The following SH3D19 variants were observed in gnomAD, a reference collection of about 807,000 sequenced individuals.
SH3D19 encodes SH3 domain-containing protein 19.
A neutral mutation model predicts 112.1 loss-of-function variants in SH3D19; 58 were observed. That is an observed-to-expected ratio of 0.52 (90% CI 0.42 to 0.64). The LOEUF (loss-of-function observed/expected upper bound fraction) is 0.64. Ranked by LOEUF, SH3D19 falls within the 30% of genes least tolerant of loss-of-function variation. The pLI, the probability that SH3D19 is intolerant of heterozygous loss-of-function variation, is 0.00. For missense variants in SH3D19, 1,090 were observed against 1,263.4 expected, an observed-to-expected ratio of 0.86 and a Z score of 2.08; for synonymous variants, 391 against 448.5, an observed-to-expected ratio of 0.87 and a Z score of 1.62.
At chr4:151,266,408 C>T (rs1772796413) in intron 1 of SH3D19, among the ~76,000 whole-genome samples, 1 of 152,180 alleles carries the variant, frequency 6.6e-6, no homozygotes, top group African/African-American at 2.4e-5. Flanking sequence ...GCTATTTCAT[C>T]TTTGTAAGTG....
At chr4:151,132,536 TG>T (rs1431161426) in intron 16 of SH3D19, among the ~76,000 whole-genome samples, 153 bp from the exon 17 acceptor site, 4 of 152,238 alleles carry the variant, frequency 2.6e-5, no homozygotes, top group Non-Finnish European at 5.9e-5. Flanking sequence ...TGCGTTAACC[TG>T]TACTAACTTC....
chr4:151,268,899 A>G (rs1773023569), intron 1 of SH3D19, among the ~76,000 whole-genome samples: 1 of 152,130 alleles, frequency 6.6e-6, no homozygotes, highest in African/African-American at 2.4e-5. Flanking sequence ...CACAATAAAC[A>G]TATGTGTGCA....
intron 17 of SH3D19, among the ~76,000 whole-genome samples, chr4:151,130,734 G>T (rs1013584254): frequency 6.6e-6 from 1 of 152,120 alleles, no homozygotes; most frequent in Non-Finnish European, 1.5e-5. Context: ...GAGGTCAGGA[G>T]TTCAAGACCA....
intron 3 of SH3D19, among the ~76,000 whole-genome samples, chr4:151,180,794 C>T (rs565701829): frequency 1.3e-5 from 2 of 150,704 alleles, no homozygotes; most frequent in South Asian, 2.1e-4. Flanking sequence ...GATGGGGTCT[C>T]GCTCTGTCGC....
intron 1 of SH3D19, among the ~76,000 whole-genome samples, chr4:151,321,486 T>C (rs1442582033): frequency 6.6e-6 from 1 of 152,064 alleles, no homozygotes; most frequent in Non-Finnish European, 1.5e-5. Flanking sequence ...TGATCATAAA[T>C]GCCAGGCTGT....
intron 1 of SH3D19, among the ~76,000 whole-genome samples, chr4:151,304,418 T>C (rs373005530): frequency 1.3e-5 from 2 of 152,294 alleles, no homozygotes; most frequent in African/African-American, 4.8e-5. Context: ...ACCTTAAAAA[T>C]GTTAGCCTGC....
At chr4:151,248,314 T>C (rs1771099707) in intron 1 of SH3D19, among the ~76,000 whole-genome samples, 1 of 152,162 alleles carries the variant, frequency 6.6e-6, no homozygotes. Flanking sequence ...AGGAAAAGTC[T>C]AGCTATTTCT....
chr4:151,143,630 G>GC (rs1753409027), intron 12 of SH3D19, among the ~76,000 whole-genome samples: 1 of 148,102 alleles, frequency 6.8e-6, no homozygotes, highest in Non-Finnish European at 1.5e-5. Flanking sequence ...TTTTTTATTT[G>GC]TTTTTTTTTT....
intron 19 of SH3D19, among the ~76,000 whole-genome samples, chr4:151,124,112 AT>A (rs11385423): frequency 8.1e-5 from 12 of 147,816 alleles, no homozygotes; most frequent in African/African-American, 2.0e-4. Flanking sequence ...GGCTAGGACT[AT>A]TTTTTTTTTT....
intron 2 of SH3D19, among the ~76,000 whole-genome samples, chr4:151,203,060 T>A (rs935824632): frequency 6.6e-6 from 1 of 152,130 alleles, no homozygotes; most frequent in Middle Eastern, 3.2e-3. Flanking sequence ...AATGTGACTG[T>A]TGGTGGTGGG....
intron 1 of SH3D19, among the ~76,000 whole-genome samples, chr4:151,250,417 T>C (rs1411289483): frequency 6.6e-6 from 1 of 152,086 alleles, no homozygotes; most frequent in Non-Finnish European, 1.5e-5. Context: ...TGAAAATATA[T>C]ACATATTTAT....
intron 7 of SH3D19, among the ~76,000 whole-genome samples, chr4:151,167,644 G>A (rs909700585): frequency 1.3e-5 from 2 of 152,100 alleles, no homozygotes; most frequent in East Asian, 1.9e-4. Context: ...ACTATTTTAC[G>A]GCTTCCGCCC....
rs775083473 is a variant in SH3D19 at position 151,277,236 on chromosome 4, G to A, written c.112+48005C>T. On this transcript the variant is annotated intron_variant, in intron 1 of 19. Coordinates refer to ENST00000604030, the MANE Select transcript of SH3D19 (RefSeq NM_001378122.1). ...GCTGGGGATCTCAGGTGAGCGCCAG[G>A]GTGGGGTTGAGAAGGCAGAGGCAGA... is the stretch of plus-strand genomic sequence containing the variant. 30 of 1,497,514 alleles carry A rather than the reference G, an allele frequency of 2.0e-5. No individual in the cohort carries two copies. The East Asian group carries it at 7.4e-4, about 37-fold the overall frequency. 92.8% of individuals were successfully genotyped at this position (1,497,514 alleles called of 1,614,324 possible). A position where few individuals can be genotyped will look rare whatever the true frequency, so the allele number is the denominator to read the frequency against.
Position 151,122,207 on chromosome 4 carries a change from C to G in SH3D19, c.3028G>C (p.Ala1010Pro). 1 of 1,542,200 alleles carries G rather than the reference C, an allele frequency of 6.5e-7. No homozygotes were observed. Among genetic ancestry groups the G allele is most frequent in the Non-Finnish European group, 9.0e-7 (1 of 1,116,082 alleles). ...GENEDELSFK[A>P]GDIITELESV... ...TCCAGCTCTGTTATTATATCTCCAG[C>G]CTGTAAGACAAAAGGAGTTAGAATT... is the stretch of plus-strand genomic sequence containing the variant. The change falls in exon 20 of 20, where the codon GCT (alanine) becomes CCT (proline). Residue 1010 changes from alanine (A) to proline (P), a missense_variant and splice_region_variant. Coordinates refer to ENST00000604030, the MANE Select transcript of SH3D19 (RefSeq NM_001378122.1).
Position 151,187,435 on chromosome 4 carries a change from C to T in SH3D19, c.181G>A (p.Val61Ile), listed in dbSNP as rs905660517. 1 of 1,228,606 alleles carries T rather than the reference C, an allele frequency of 8.1e-7. No individual in the cohort carries two copies. Among genetic ancestry groups the T allele is most frequent in the Non-Finnish European group, 1.0e-6 (1 of 984,820 alleles). 76.1% of individuals were successfully genotyped at this position (1,228,606 alleles called of 1,614,324 possible). ...SQGPLSSIRA[V>I]IKRSSRTSIQ... ...AAAACAAACTTACATCTCTTGATTACCGCTCTAATGGATGACAAGGGTCCT... is the reference window on the plus strand; with the variant it reads ...AAAACAAACTTACATCTCTTGATTATCGCTCTAATGGATGACAAGGGTCCT... The change falls in exon 3 of 20, where the codon GTA becomes ATA. Residue 61 changes from valine to isoleucine, a missense_variant. Val to Ile is a conservative substitution (Grantham distance 29). Transcript: ENST00000604030.
At chr4:151,148,288 C>CACACACACACACACAG (rs902059128) in intron 10 of SH3D19, 102 bp from the exon 11 acceptor site, 1 of 823,320 alleles carries the variant, frequency 1.2e-6, no homozygotes, top group African/African-American at 1.7e-5. Flanking sequence ...CACACACACA[C>CACACACACACACACAG]AGAGACACAG....
intron 1 of SH3D19, among the ~76,000 whole-genome samples, chr4:151,316,044 C>T (rs141574213): frequency 3.3e-5 from 5 of 152,064 alleles, no homozygotes; most frequent in African/African-American, 1.2e-4. Context: ...AAAAGAGTAA[C>T]TTTCAAGCAG....
intron 1 of SH3D19, among the ~76,000 whole-genome samples, chr4:151,297,623 A>G (rs528485077): frequency 2.6e-5 from 4 of 152,324 alleles, no homozygotes; most frequent in Admixed American, 6.5e-5. Flanking sequence ...AAGAGAAATC[A>G]AGAATGACCA....
chr4:151,324,212 C>T (rs2126419323), intron 1 of SH3D19, among the ~76,000 whole-genome samples: 1 of 152,216 alleles, frequency 6.6e-6, no homozygotes, highest in South Asian at 2.1e-4. Flanking sequence ...TCAAGTTTTC[C>T]TTTCATCCTA....
Sources: allele counts gnomAD v4.1 joint callset (sites outside exome capture counted in the v4.1 genomes callset), GRCh38; gene constraint gnomAD v4.1.1; transcripts MANE v1.5; gene names NCBI Gene and HGNC (gene_info 2026-07-23, HGNC 2026-07-21).